Variants in EP400 observed in about 807,000 individuals in gnomAD.
EP400 encodes E1A-binding protein p400.
A neutral mutation model predicts 354.1 loss-of-function variants in EP400; 105 were observed. The ratio of observed to expected loss-of-function variants is 0.30; its 90% CI spans 0.25 to 0.35. The LOEUF (loss-of-function observed/expected upper bound fraction) is 0.35, where lower values mean the gene tolerates loss of function less well. Ranked by LOEUF, EP400 falls within the 10% of genes least tolerant of loss-of-function variation. The pLI is 1.00. For synonymous variants in EP400, 1,646 were observed against 1,716.9 expected, an observed-to-expected ratio of 0.96 and a Z score of 1.02; for missense variants, 3,280 against 4,121.0, an observed-to-expected ratio of 0.80 and a Z score of 5.59.
At position 132,017,622 on chromosome 12, in the gene EP400, C is replaced by T. The variant is rs932772055; in HGVS notation, c.4011C>T (p.Leu1337=). The T allele has an allele frequency of 9.3e-6, 15 of 1,611,078 alleles. No homozygotes were observed. The highest frequency in any genetic ancestry group is 1.1e-5 in the Non-Finnish European group (13 of 1,178,522). The change falls in exon 20 of 53, where the codon CTC becomes CTT. Residue 1337 remains leucine, a synonymous_variant. Transcript: ENST00000389561. This position sits in a 1 kb window ranked among gnomAD's most constrained non-coding sequence, Gnocchi z 5.0. ...RLQRICNHPG[L]VEPRHPGSSY... ...AGCGCATCTGCAACCACCCTGGGCT[C>T]GTCGAGCCCCGGCACCCAGGCTCTT...
In EP400 at chr12:132,031,972, A is replaced by G. The variant is rs750271144; in HGVS notation, c.5774A>G (p.Asn1925Ser). 1.3e-5 allele frequency: 21 copies of G among 1,611,986 alleles called. No homozygotes were observed. Among genetic ancestry groups the G allele is most frequent in the Non-Finnish European group, 1.7e-5 (20 of 1,178,400 alleles). Residue 1925 changes from asparagine (N) to serine (S), a missense_variant, in exon 30 of 53, where the codon AAC becomes AGC. By Grantham distance (46) the Asn-to-Ser change is conservative. Coordinates refer to ENST00000389561, the MANE Select transcript of EP400 (RefSeq NM_015409.5). ...TCTTAGGAACTGATGAGGAGTTTCAACAGAGACAGGCGGATTTTTTGTGCC... is the reference window on the plus strand; with the variant it reads ...TCTTAGGAACTGATGAGGAGTTTCAGCAGAGACAGGCGGATTTTTTGTGCC... ...EQRQELMRSF[N>S]RDRRIFCAIL...
intron 2 of EP400, among the ~76,000 whole-genome samples, chr12:131,972,725 C>CT (rs144441438): frequency 0.054 from 5,326 of 98,288 alleles, 138 homozygotes; most frequent in African/African-American, 0.11. Flanking sequence ...CTAACACAAC[C>CT]TTTTTTTTTT....
At chr12:132,059,988 T>A (rs960166788) in intron 45 of EP400, among the ~76,000 whole-genome samples, 10 of 149,986 alleles carry the variant, frequency 6.7e-5, no homozygotes, top group East Asian at 5.9e-4. Context: ...ACACCATTGC[T>A]CTCCAGCCTG....
intron 2 of EP400, among the ~76,000 whole-genome samples, chr12:131,967,387 AT>A (rs1333379940): frequency 1.1e-4 from 16 of 150,408 alleles, no homozygotes; most frequent in African/African-American, 3.7e-4. Context: ...ACTCAAAAAA[AT>A]AAATAAATAA....
intron 19 of EP400, among the ~76,000 whole-genome samples, chr12:132,014,135 C>T (rs908304578): frequency 6.6e-6 from 1 of 152,234 alleles, no homozygotes; most frequent in African/African-American, 2.4e-5. Context: ...TCAGAAGCCC[C>T]ACTCCTGTGT....
intron 12 of EP400, among the ~76,000 whole-genome samples, chr12:132,000,417 A>G (rs1198961073): frequency 6.6e-6 from 1 of 152,206 alleles, no homozygotes; most frequent in East Asian, 1.9e-4. Context: ...ACATGCTTTA[A>G]AACAACATGC....
chr12:132,059,302 C>T (rs1280477583), intron 45 of EP400, among the ~76,000 whole-genome samples: 3 of 152,126 alleles, frequency 2.0e-5, no homozygotes, highest in Admixed American at 1.3e-4. Flanking sequence ...AAGCAGAATC[C>T]ATCTGCCCTT....
chr12:132,056,728 A>C (rs1386728292), intron 45 of EP400, among the ~76,000 whole-genome samples: 1 of 152,260 alleles, frequency 6.6e-6, no homozygotes, highest in Admixed American at 6.5e-5. Context: ...TGAATCCTGA[A>C]GAAAAGTTAA....
intron 45 of EP400, among the ~76,000 whole-genome samples, chr12:132,059,550 C>G (rs921586918): frequency 6.6e-6 from 1 of 152,202 alleles, no homozygotes; most frequent in Admixed American, 6.5e-5. Context: ...TTCTTGACTT[C>G]TGAGAATCTC....
At chr12:131,957,071 A>G (rs1032510781) in intron 1 of EP400, among the ~76,000 whole-genome samples, 39 of 151,786 alleles carry the variant, frequency 2.6e-4, no homozygotes, top group Non-Finnish European at 1.0e-4. Flanking sequence ...GGGTTTTACC[A>G]TATTGGTCAG....
Position 132,078,381 on chromosome 12 carries a change from C to T in EP400, c.*708C>T, listed in dbSNP as rs908325545. 2.0e-5 allele frequency: 3 copies of T among 152,458 alleles called. No homozygotes were observed. In the Middle Eastern group the frequency reaches 0.01, roughly 519 times the overall value. 9.4% of individuals were successfully genotyped at this position (152,458 alleles called of 1,614,324 possible). A position where few individuals can be genotyped will look rare whatever the true frequency, so the allele number is the denominator to read the frequency against. On this transcript the variant is annotated 3_prime_UTR_variant, in exon 53 of 53. Transcript: ENST00000389561. The stretch of plus-strand genomic sequence containing the variant: ...CAACAGTGGCCTCCCCCAGGCCCTA[C>T]CCTGCAATGGGATTCGCTTTCATTT...
intron 2 of EP400, chr12:131,963,459 A>G (rs774754302): frequency 2.1e-4 from 239 of 1,138,244 alleles, no homozygotes; most frequent in Non-Finnish European, 2.9e-4. Flanking sequence ...GCTATCAGCA[A>G]TAAAATTCTA....
chr12:132,015,070 T>C (rs1023230597), intron 19 of EP400, among the ~76,000 whole-genome samples: 1 of 152,230 alleles, frequency 6.6e-6, no homozygotes, highest in Admixed American at 6.5e-5. Flanking sequence ...CAGGGTTCTG[T>C]GCATGCGCAT....
chr12:132,020,032 G>A lies in EP400; in HGVS notation c.4278-17G>A. 2.6e-6 allele frequency: 4 copies of A among 1,514,714 alleles called. No individual in the cohort carries two copies. The highest frequency in any genetic ancestry group is 3.5e-6 in the Non-Finnish European group (4 of 1,128,660). The allele number at this position is 1,514,714 out of a possible 1,614,324, so 93.8% of individuals were successfully genotyped here. A position where few individuals can be genotyped will look rare whatever the true frequency, so the allele number is the denominator to read the frequency against. ...CTGATGCTCTGTATCTTCTTGCCTG[G>A]ACCAATGGGCATCTAGGTTGTTTCA... is the stretch of plus-strand genomic sequence containing the variant. On this transcript the variant is annotated splice_polypyrimidine_tract_variant and intron_variant, in intron 21 of 52. Transcript: ENST00000389561.
chr12:132,045,296 C>T (rs373008947), intron 37 of EP400, 23 bp from the exon 38 acceptor site: 405 of 1,612,826 alleles, frequency 2.5e-4, no homozygotes, highest in Non-Finnish European at 3.3e-4. Flanking sequence ...TACTCTCTTG[C>T]TGAAGACTGC....
Position 132,032,028 on chromosome 12 carries a change from A to G in EP400, c.5830A>G (p.Ile1944Val), listed in dbSNP as rs1894527698. ...ILSTHSRTTGINLVEADTVVF... is the reference protein window; with the variant it reads ...ILSTHSRTTGVNLVEADTVVF... ...CTCCACTCACAGCCGTACCACAGGT[A>G]TAAACCTTGTAGAGGCGGACACCGT... The change falls in exon 30 of 53, where the codon ATA (isoleucine) becomes GTA (valine). Residue 1944 changes from isoleucine (I) to valine (V), a missense_variant. Ile to Val is a conservative substitution (Grantham distance 29). Coordinates refer to ENST00000389561, the MANE Select transcript of EP400 (RefSeq NM_015409.5). 6.2e-7 allele frequency: 1 copy of G among 1,614,250 alleles called. No individual in the cohort carries two copies. Among genetic ancestry groups the G allele is most frequent in the Non-Finnish European group, 8.5e-7 (1 of 1,180,044 alleles).
Position 131,986,595 on chromosome 12 carries a change from G to T in EP400, c.2011G>T (p.Ala671Ser), listed in dbSNP as rs146452426. 1 of 1,613,722 alleles carries T rather than the reference G, an allele frequency of 6.2e-7. No homozygotes were observed. Among genetic ancestry groups the T allele is most frequent in the East Asian group, 2.2e-5 (1 of 44,858 alleles). The change falls in exon 6 of 53, where the codon GCG (alanine) becomes TCG (serine). Residue 671 changes from alanine to serine, a missense_variant. Coordinates refer to ENST00000389561, the MANE Select transcript of EP400 (RefSeq NM_015409.5). ...PLPTSSTSSLAPVSGSGPGPS... is the reference protein window; with the variant it reads ...PLPTSSTSSLSPVSGSGPGPS... Reference sequence around the variant, plus strand: ...GCCCACCTCTTCTACCTCGTCCCTCGCGCCTGTGAGTGGCTCCGGCCCAGG... The same window carrying T: ...GCCCACCTCTTCTACCTCGTCCCTCTCGCCTGTGAGTGGCTCCGGCCCAGG...
At chr12:132,010,811 G>C (rs941913446) in intron 15 of EP400, among the ~76,000 whole-genome samples, 1 of 152,110 alleles carries the variant, frequency 6.6e-6, no homozygotes, top group African/African-American at 2.4e-5. Flanking sequence ...GCATGATGGC[G>C]TGTGCCTGTA....
intron 15 of EP400, among the ~76,000 whole-genome samples, chr12:132,011,150 C>T (rs926344714): frequency 1.1e-4 from 17 of 152,104 alleles, no homozygotes; most frequent in African/African-American, 3.9e-4. Flanking sequence ...TCTGTGAGTC[C>T]ACTTTCTGAG....
Sources: allele counts gnomAD v4.1 joint callset (sites outside exome capture counted in the v4.1 genomes callset), GRCh38; gene constraint gnomAD v4.1.1; non-coding constraint Gnocchi (gnomAD v3.1); transcripts MANE v1.5; gene names NCBI Gene and HGNC (gene_info 2026-07-23, HGNC 2026-07-21).